Variants in PPM1H observed in about 807,000 individuals in gnomAD.
The protein encoded by PPM1H is protein phosphatase 1H.
A neutral mutation model predicts 54.9 loss-of-function variants in PPM1H; 27 were observed. That is an observed-to-expected ratio of 0.49 (90% confidence interval 0.36 to 0.68). The LOEUF (loss-of-function observed/expected upper bound fraction) is 0.68, where lower values mean the gene tolerates loss of function less well. Ranked by LOEUF, PPM1H falls within the 30% of genes least tolerant of loss-of-function variation. The pLI, the probability that PPM1H is intolerant of heterozygous loss-of-function variation, is 0.00. For synonymous variants in PPM1H, 305 were observed against 270.8 expected, an observed-to-expected ratio of 1.13 and a Z score of -1.24; for missense variants, 596 against 667.8, an observed-to-expected ratio of 0.89 and a Z score of 1.19.
chr12:62,823,497 C>T (rs1360560514), intron 2 of PPM1H, among the ~76,000 whole-genome samples: 2 of 152,162 alleles, frequency 1.3e-5, no homozygotes, highest in Non-Finnish European at 2.9e-5. Context: ...CAAAAATCCT[C>T]AATAAAATAC....
intron 5 of PPM1H, among the ~76,000 whole-genome samples, chr12:62,729,155 G>C (rs2076306436): frequency 6.6e-6 from 1 of 152,186 alleles, no homozygotes. Context: ...CACAAGTGAA[G>C]GAGGCTGAGG....
intron 1 of PPM1H, among the ~76,000 whole-genome samples, chr12:62,877,886 G>C (rs972190588): frequency 6.6e-6 from 1 of 152,106 alleles, no homozygotes; most frequent in African/African-American, 2.4e-5. Context: ...AAAGAGGTAA[G>C]GCAGAAGCCC....
chr12:62,890,575 G>C (rs1158157204), intron 1 of PPM1H, among the ~76,000 whole-genome samples: 1 of 151,900 alleles, frequency 6.6e-6, no homozygotes, highest in Non-Finnish European at 1.5e-5. Flanking sequence ...AAGAATTGAG[G>C]GTAAGTTTTA....
At chr12:62,847,805 G>C (rs112441302) in intron 1 of PPM1H, among the ~76,000 whole-genome samples, 84 of 152,104 alleles carry the variant, frequency 5.5e-4, no homozygotes, top group African/African-American at 2.0e-3. Flanking sequence ...AGCTTACCAA[G>C]AGTAGACAGT....
chr12:62,767,393 G>C (rs2120635939), intron 4 of PPM1H, among the ~76,000 whole-genome samples: 1 of 152,306 alleles, frequency 6.6e-6, no homozygotes, highest in East Asian at 1.9e-4. Context: ...AGAGGAGTTG[G>C]TGCGTACTTA....
chr12:62,839,669 A>G (rs1297504628), intron 1 of PPM1H, among the ~76,000 whole-genome samples: 2 of 152,006 alleles, frequency 1.3e-5, no homozygotes, highest in Non-Finnish European at 2.9e-5. Flanking sequence ...ATCCAAAAAA[A>G]AAAAAAAAGT....
At chr12:62,700,790 C>T (rs1249024504) in intron 6 of PPM1H, among the ~76,000 whole-genome samples, 1 of 152,166 alleles carries the variant, frequency 6.6e-6, no homozygotes, top group African/African-American at 2.4e-5. Flanking sequence ...TTTAGAATGT[C>T]AGGTCATGTC....
rs71278269 is a variant in PPM1H, at chr12:62,838,920, CAAAAAAAAAAAAAAAAAA to C, written c.246-6659_246-6642del. ...TGGGCGACAGAGCGAGACTCCGTCTCAAAAAAAAAAAAAAAAAAAAAAAAAAAAAAAGAATAATAGCTT... is the reference window on the plus strand; with the variant it reads ...TGGGCGACAGAGCGAGACTCCGTCTCAAAAAAAAAAAAAGAATAATAGCTT... On this transcript the variant is annotated intron_variant, in intron 1 of 9. Coordinates refer to ENST00000228705, the MANE Select transcript of PPM1H (RefSeq NM_020700.2). 7.2e-3 allele frequency among the ~76,000 whole-genome samples: 239 copies of C among 33,328 alleles called. 35 individuals carry two copies. Among genetic ancestry groups the C allele is most frequent in the African/African-American group, 0.028 (226 of 8,146 alleles). 21.9% of individuals were successfully genotyped at this position (33,328 alleles called of 152,430 possible).
In PPM1H at chr12:62,873,256, T is replaced by C. The variant is rs542160346; in HGVS notation, c.246-40977A>G. On this transcript the variant is annotated intron_variant, in intron 1 of 9. Coordinates refer to ENST00000228705, the MANE Select transcript of PPM1H (RefSeq NM_020700.2). ...CCTTAGCACAGGCTACTGCCTAGGA[T>C]AACCCCACAGCTCTGTACATCCTCA... Among the ~76,000 whole-genome samples the C allele has an allele frequency of 4.4e-3, 664 of 152,332 alleles. 14 individuals are homozygous for C. The highest frequency in any genetic ancestry group is 0.015 in the African/African-American group (636 of 41,586).
chr12:62,655,027 T>C (rs2075836557), intron 9 of PPM1H, among the ~76,000 whole-genome samples: 1 of 152,196 alleles, frequency 6.6e-6, no homozygotes, highest in African/African-American at 2.4e-5. Flanking sequence ...ACTGAGCCGT[T>C]AGATGCTGCA....
chr12:62,728,254 C>T (rs1467493682), intron 5 of PPM1H, among the ~76,000 whole-genome samples: 2 of 152,166 alleles, frequency 1.3e-5, no homozygotes, highest in Admixed American at 1.3e-4. Context: ...GACATATCCT[C>T]ATCACTTAGT....
At chr12:62,871,503 C>G (rs918400714) in intron 1 of PPM1H, among the ~76,000 whole-genome samples, 1 of 145,718 alleles carries the variant, frequency 6.9e-6, no homozygotes, top group African/African-American at 2.5e-5. Flanking sequence ...AACCACCGAA[C>G]TGTGGTACTT....
Position 62,918,825 on chromosome 12 carries a change from A to G in PPM1H, c.245+15667T>C, listed in dbSNP as rs189080510. 1.3e-3 allele frequency among the ~76,000 whole-genome samples: 203 copies of G among 152,246 alleles called. 1 individual carries two copies. The highest frequency in any genetic ancestry group is 3.4e-3 in the Admixed American group (52 of 15,286). On this transcript the variant is annotated intron_variant, in intron 1 of 9. Coordinates refer to ENST00000228705, the MANE Select transcript of PPM1H (RefSeq NM_020700.2). ...CAGTGACTCCATTTGAAGTGAAAAA[A>G]CTCATCAGTATGTAGAATTATCGCA...
intron 1 of PPM1H, among the ~76,000 whole-genome samples, chr12:62,855,644 A>C (rs1469834891): frequency 6.6e-6 from 1 of 152,186 alleles, no homozygotes; most frequent in Non-Finnish European, 1.5e-5. Context: ...TCCGGTAATC[A>C]GTAGAAAGTT....
chr12:62,747,831 T>C (rs2076421445), intron 4 of PPM1H, among the ~76,000 whole-genome samples: 1 of 152,202 alleles, frequency 6.6e-6, no homozygotes, highest in Admixed American at 6.5e-5. Context: ...GCTTTGCCCA[T>C]GTGGCAGAAC....
chr12:62,709,061 T>A (rs2076192020), intron 6 of PPM1H, among the ~76,000 whole-genome samples: 2 of 152,166 alleles, frequency 1.3e-5, no homozygotes, highest in African/African-American at 2.4e-5. Context: ...ATGAGCTGAC[T>A]CCAATGTAAT....
At chr12:62,723,574 C>T (rs1278995988) in intron 5 of PPM1H, among the ~76,000 whole-genome samples, 1 of 152,154 alleles carries the variant, frequency 6.6e-6, no homozygotes, top group African/African-American at 2.4e-5. Flanking sequence ...CACTCTCTTG[C>T]CCTTCCACCT....
chr12:62,893,636 C>T (rs563222977), intron 1 of PPM1H, among the ~76,000 whole-genome samples: 216 of 150,762 alleles, frequency 1.4e-3, no homozygotes, highest in Non-Finnish European at 2.1e-3. Flanking sequence ...TGTGTGTGTG[C>T]GGGGGGGAGG....
At chr12:62,760,392 C>T (rs979818232) in intron 4 of PPM1H, among the ~76,000 whole-genome samples, 5 of 152,104 alleles carry the variant, frequency 3.3e-5, no homozygotes, top group Admixed American at 6.5e-5. Context: ...ACCCATCTGA[C>T]CTCTCACCTC....
Sources: allele counts gnomAD v4.1 joint callset (sites outside exome capture counted in the v4.1 genomes callset), GRCh38; gene constraint gnomAD v4.1.1; transcripts MANE v1.5; gene names NCBI Gene and HGNC (gene_info 2026-07-23, HGNC 2026-07-21).